The following DOCK9 variants were observed in gnomAD, a reference collection of about 807,000 sequenced individuals.
DOCK9 encodes the protein dedicator of cytokinesis protein 9.
A neutral mutation model predicts 263.3 loss-of-function variants in DOCK9; 89 were observed. The ratio of observed to expected loss-of-function variants is 0.34; its 90% confidence interval spans 0.28 to 0.40. The LOEUF (loss-of-function observed/expected upper bound fraction) is 0.40, where lower values mean the gene tolerates loss of function less well. Among genes scored for constraint, DOCK9 ranks in the 10% least tolerant of loss-of-function variants. The probability of loss-of-function intolerance (pLI) is 1.00; values close to 1 mark genes in which losing one functional copy is unlikely to be tolerated. For synonymous variants in DOCK9, 976 were observed against 973.1 expected, an observed-to-expected ratio of 1.00 and a Z score of -0.06; for missense variants, 2,140 against 2,603.4, an observed-to-expected ratio of 0.82 and a Z score of 3.87.
At chr13:99,064,753 A>G (rs2041344115) in intron 1 of DOCK9, among the ~76,000 whole-genome samples, 1 of 152,214 alleles carries the variant, frequency 6.6e-6, no homozygotes, top group Non-Finnish European at 1.5e-5. Flanking sequence ...GGTGGAGAAG[A>G]CAGCTGGTCG....
At chr13:98,835,462 C>A (rs1566655517) in intron 39 of DOCK9, among the ~76,000 whole-genome samples, 1 of 152,198 alleles carries the variant, frequency 6.6e-6, no homozygotes, top group Non-Finnish European at 1.5e-5. Flanking sequence ...CACCTCCCAG[C>A]TGGGGGGAGG....
chr13:98,930,140 T>C, intron 3 of DOCK9, 28 bp downstream of exon 3: 2 of 1,585,168 alleles, frequency 1.3e-6, no homozygotes, highest in Non-Finnish European at 1.7e-6. Context: ...GACTTCAAAA[T>C]GTAAATTAAT....
Position 98,796,080 on chromosome 13 carries a change from A to G in DOCK9, c.6156+1035T>C, listed in dbSNP as rs2089352483. 8 of 697,146 alleles carry G rather than the reference A, an allele frequency of 1.1e-5. No homozygotes were observed. In the East Asian group the frequency reaches 2.4e-4, roughly 21 times the overall value. 43.2% of individuals were successfully genotyped at this position (697,146 alleles called of 1,614,324 possible). On this transcript the variant is annotated intron_variant, in intron 52 of 52. Coordinates refer to ENST00000682017, the MANE Select transcript of DOCK9 (RefSeq NM_001366683.2). ...GGCCTCTACTTTTTAAAATGTCCAG[A>G]AGAGGGTGCTTTCCTCTGCCCATGT... is the stretch of plus-strand genomic sequence containing the variant.
rs878878378 is a variant in DOCK9 at position 98,831,477 on chromosome 13, G to A, written c.4506C>T (p.Tyr1502=). ...TGGAGTTACAGCACTTGAGAATCTC[G>A]TAACACAGAGCCGCACACATGTCCG... ...GRADMCAALC[Y]EILKCCNSKL... The change falls in exon 41 of 53, where the codon TAC becomes TAT. Residue 1502 remains tyrosine (Y), a synonymous_variant. Transcript: ENST00000682017. 4.4e-6 allele frequency: 7 copies of A among 1,593,030 alleles called. No homozygotes were observed. The highest frequency in any genetic ancestry group is 1.3e-5 in the African/African-American group (1 of 74,672).
At chr13:98,866,790 G>T (rs2094039075) in intron 30 of DOCK9, among the ~76,000 whole-genome samples, 3 of 152,200 alleles carry the variant, frequency 2.0e-5, no homozygotes, top group Non-Finnish European at 4.4e-5. Flanking sequence ...AATTTTGGGG[G>T]TGAAGCAGGG....
intron 1 of DOCK9, among the ~76,000 whole-genome samples, chr13:99,070,720 G>A (rs1045447631): frequency 2.0e-5 from 3 of 152,162 alleles, no homozygotes; most frequent in African/African-American, 7.2e-5. Context: ...TGAAGAGCTG[G>A]GGCTGAAGCC....
chr13:98,942,467 T>C lies in DOCK9; in HGVS notation c.244-12210A>G, dbSNP rs566896645. Among the ~76,000 whole-genome samples, 12 of 152,274 alleles carry C rather than the reference T, an allele frequency of 7.9e-5. No individual in the cohort carries two copies. In the East Asian group the frequency reaches 2.3e-3, roughly 29 times the overall value. On this transcript the variant is annotated intron_variant, in intron 2 of 52. Transcript: ENST00000682017. ...GTTAGCCAGGATGGTCTCGATCTCC[T>C]GACCTCGTGATCTGCCCACCTCGGC...
At chr13:98,965,359 C>T (rs1479449139) in intron 1 of DOCK9, among the ~76,000 whole-genome samples, 1 of 152,202 alleles carries the variant, frequency 6.6e-6, no homozygotes, top group Non-Finnish European at 1.5e-5. Context: ...CAGACTGCTC[C>T]TGAGTGTCTG....
At chr13:98,870,227 C>T (rs1411215511) in intron 27 of DOCK9, among the ~76,000 whole-genome samples, 1 of 152,168 alleles carries the variant, frequency 6.6e-6, no homozygotes, top group Non-Finnish European at 1.5e-5. Context: ...AGCTTTATAA[C>T]AATTTCAATT....
intron 27 of DOCK9, among the ~76,000 whole-genome samples, chr13:98,871,047 C>T (rs963822045): frequency 6.6e-6 from 1 of 152,086 alleles, no homozygotes; most frequent in African/African-American, 2.4e-5. Context: ...TTTTGAGACA[C>T]CTGGGGAAAA....
intron 1 of DOCK9, among the ~76,000 whole-genome samples, chr13:99,053,012 G>A (rs1595992481): frequency 6.6e-6 from 1 of 152,168 alleles, no homozygotes; most frequent in Non-Finnish European, 1.5e-5. Context: ...TCGCCGTTGG[G>A]ATGAAGTCTC....
At chr13:99,006,624 G>C (rs1883378682) in intron 1 of DOCK9, among the ~76,000 whole-genome samples, 1 of 152,110 alleles carries the variant, frequency 6.6e-6, no homozygotes. Context: ...TTTAATATTT[G>C]CAGAAGCAGA....
At chr13:99,011,948 A>C (rs1056743921) in intron 1 of DOCK9, among the ~76,000 whole-genome samples, 9 of 152,248 alleles carry the variant, frequency 5.9e-5, no homozygotes, top group Non-Finnish European at 1.3e-4. Context: ...CAGCATCCCA[A>C]GTAGCTGGGG....
At chr13:98,804,072 C>T (rs551012175) in intron 49 of DOCK9, among the ~76,000 whole-genome samples, 20 of 152,156 alleles carry the variant, frequency 1.3e-4, no homozygotes, top group Non-Finnish European at 2.5e-4. Context: ...GCGCTCCTTC[C>T]GCTTATTATG....
chr13:99,004,242 A>G (rs1882901994), intron 1 of DOCK9, among the ~76,000 whole-genome samples: 1 of 152,172 alleles, frequency 6.6e-6, no homozygotes, highest in South Asian at 2.1e-4. Context: ...ACTCTTTCAT[A>G]TCATACCACC....
chr13:99,046,843 ATG>A (rs1339106586), intron 1 of DOCK9, among the ~76,000 whole-genome samples: 4 of 152,182 alleles, frequency 2.6e-5, no homozygotes, highest in Admixed American at 2.6e-4. Flanking sequence ...CTCATACTTC[ATG>A]CCTGCGTTTA....
At chr13:98,982,680 G>A (rs186957580), upstream of DOCK9, among the ~76,000 whole-genome samples, 19 of 152,160 alleles carry the variant, frequency 1.2e-4, no homozygotes, top group South Asian at 4.1e-4. Flanking sequence ...GTGAAATGGT[G>A]TATTTGTAAA....
intron 1 of DOCK9, among the ~76,000 whole-genome samples, chr13:99,001,982 C>G (rs927653507): frequency 7.2e-5 from 11 of 152,172 alleles, no homozygotes; most frequent in Middle Eastern, 3.2e-3. Flanking sequence ...CTCTCTACCC[C>G]ACTCCCCACC....
rs2041500608 is a variant in DOCK9, at chr13:99,068,008, A to G, written c.129+18215T>C. On this transcript the variant is annotated intron_variant, in intron 1 of 32. Transcript: ENST00000427887. The stretch of plus-strand genomic sequence containing the variant: ...AAGCCTACAGAAAGAACCGATCCCC[A>G]GTACCCCACATGTGGTTCTCCACAG... Among the ~76,000 whole-genome samples the G allele has an allele frequency of 3.3e-5, 5 of 151,992 alleles. 1 individual carries two copies. In the Middle Eastern group the frequency reaches 0.014, roughly 414 times the overall value.
Sources: allele counts gnomAD v4.1 joint callset (sites outside exome capture counted in the v4.1 genomes callset), GRCh38; gene constraint gnomAD v4.1.1; transcripts MANE v1.5; gene names NCBI Gene and HGNC (gene_info 2026-07-23, HGNC 2026-07-21).